Variants in SLC6A3 observed in about 807,000 individuals in gnomAD.
The protein encoded by SLC6A3 is solute carrier family 6 member 3, also known as sodium-dependent dopamine transporter.
SLC6A3 carries 19 observed loss-of-function variants against 70.4 expected under a neutral mutation model. That is an observed-to-expected ratio of 0.27 (90% CI 0.19 to 0.40). The LOEUF (loss-of-function observed/expected upper bound fraction) is 0.40, where lower values mean the gene tolerates loss of function less well. Among genes scored for constraint, SLC6A3 ranks in the 10% least tolerant of loss-of-function variants. SLC6A3 has a pLI of 1.00. For synonymous variants in SLC6A3, 368 were observed against 356.6 expected (o/e 1.03, Z -0.36); for missense variants, 613 against 838.5 (o/e 0.73, Z 3.32).
Position 1,393,826 on chromosome 5 carries a change from G to T in SLC6A3, c.*909C>A, listed in dbSNP as rs1337478308. ...GCGTCCTGGGGTAGTACACGCTCCT[G>T]TGGGGGCCCTGCATGCGTTCTGGGG... On this transcript the variant is annotated 3_prime_UTR_variant, in exon 15 of 15. Transcript: ENST00000270349. 3 of 144,636 alleles carry T rather than the reference G, an allele frequency of 2.1e-5. No individual in the cohort carries two copies. The highest frequency in any genetic ancestry group is 8.3e-5 in the African/African-American group (3 of 36,202). The allele number at this position is 144,636 out of a possible 1,614,324, so 9.0% of individuals were successfully genotyped here. A position where few individuals can be genotyped will look rare whatever the true frequency, so the allele number is the denominator to read the frequency against.
Position 1,406,147 on chromosome 5 carries a change from T to C in SLC6A3, c.1599+41A>G. 1 of 1,450,606 alleles carries C rather than the reference T, an allele frequency of 6.9e-7. No homozygotes were observed. Among genetic ancestry groups the C allele is most frequent in the Non-Finnish European group, 9.7e-7 (1 of 1,032,026 alleles). The allele number at this position is 1,450,606 out of a possible 1,614,324, so 89.9% of individuals were successfully genotyped here. A position where few individuals can be genotyped will look rare whatever the true frequency, so the allele number is the denominator to read the frequency against. On this transcript the variant is annotated intron_variant, in intron 12 of 14. Coordinates refer to ENST00000270349, the MANE Select transcript of SLC6A3 (RefSeq NM_001044.5). The surrounding 1 kb of genome is among the most constrained non-coding windows in gnomAD (Gnocchi z 8.8). ...GGGGCAGGTGCCAGAGTGGGGGCAG[T>C]GGGCAGACGGGGGAAGGGCAGGTGG...
chr5:1,445,230 T>A (rs1371914830), intron 1 of SLC6A3, 118 bp downstream of exon 1: 3 of 152,178 alleles, frequency 2.0e-5, no homozygotes, highest in African/African-American at 7.2e-5. Context: ...GACGGCGCGG[T>A]CTGCGGGACG....
chr5:1,413,244 T>G lies in SLC6A3; in HGVS notation c.1156+1447A>C, dbSNP rs1756168744. Among the ~76,000 whole-genome samples, 1 of 152,238 alleles carries G rather than the reference T, an allele frequency of 6.6e-6. No individual in the cohort carries two copies. Among genetic ancestry groups the G allele is most frequent in the Non-Finnish European group, 1.5e-5 (1 of 68,048 alleles). ...CGAGTAAATTTCACTGCTCTGCATTTATTTGCAGATGTTCCCTTTCTCCCG... is the reference window on the plus strand; with the variant it reads ...CGAGTAAATTTCACTGCTCTGCATTGATTTGCAGATGTTCCCTTTCTCCCG... On this transcript the variant is annotated intron_variant, in intron 8 of 14. Coordinates refer to ENST00000270349, the MANE Select transcript of SLC6A3 (RefSeq NM_001044.5). The surrounding 1 kb of genome is among the most constrained non-coding windows in gnomAD (Gnocchi z 7.1).
At chr5:1,432,729 C>T (rs778920002) in intron 3 of SLC6A3, 31 bp from the exon 4 acceptor site, 45 of 1,531,878 alleles carry the variant, frequency 2.9e-5, no homozygotes, top group East Asian at 9.1e-5. Flanking sequence ...ATGGAGCCCA[C>T]GCAGGTGGAG....
intron 11 of SLC6A3, among the ~76,000 whole-genome samples, chr5:1,407,799 G>A (rs543643649): frequency 6.6e-6 from 1 of 152,320 alleles, no homozygotes; most frequent in South Asian, 2.1e-4. Context: ...TCCGTTTTCT[G>A]TAGAGCAACA....
In SLC6A3 at chr5:1,411,370, G is replaced by A. The variant is rs375416292; in HGVS notation, c.1157-15C>T. On this transcript the variant is annotated splice_polypyrimidine_tract_variant and intron_variant, in intron 8 of 14. Coordinates refer to ENST00000270349, the MANE Select transcript of SLC6A3 (RefSeq NM_001044.5). The surrounding 1 kb of genome is among the most constrained non-coding windows in gnomAD (Gnocchi z 6.5). ...CAGCCCTGGCCCTGAAACAGAACCC[G>A]CCCTGCTTGCCACAGAGCCCACGCT... 47 of 1,533,214 alleles carry A rather than the reference G, an allele frequency of 3.1e-5. No homozygotes were observed. In the African/African-American group the frequency reaches 4.5e-4, roughly 15 times the overall value. 95.0% of individuals were successfully genotyped at this position (1,533,214 alleles called of 1,614,324 possible).
chr5:1,442,603 G>A lies in SLC6A3; in HGVS notation c.286+309C>T, dbSNP rs1010131620. 3.3e-5 allele frequency among the ~76,000 whole-genome samples: 5 copies of A among 152,222 alleles called. No individual in the cohort carries two copies. The highest frequency in any genetic ancestry group is 2.1e-4 in the South Asian group (1 of 4,814). On this transcript the variant is annotated intron_variant, in intron 2 of 14. Coordinates refer to ENST00000270349, the MANE Select transcript of SLC6A3 (RefSeq NM_001044.5). The surrounding 1 kb of genome is among the most constrained non-coding windows in gnomAD (Gnocchi z 5.0). ...CCTTTGAGAATTTTCTTTCCAAAGC[G>A]AAGATAGCCTCTGGAAACAGGAGGC... is the stretch of plus-strand genomic sequence containing the variant.
At chr5:1,422,581 TG>T (rs1194240272) in intron 4 of SLC6A3, among the ~76,000 whole-genome samples, 1 of 141,758 alleles carries the variant, frequency 7.1e-6, no homozygotes, top group Non-Finnish European at 1.5e-5. Flanking sequence ...CCCACGCTGC[TG>T]GGTACCCACC....
At chr5:1,441,928 C>T (rs958202896) in intron 2 of SLC6A3, among the ~76,000 whole-genome samples, 4 of 152,188 alleles carry the variant, frequency 2.6e-5, no homozygotes, top group Non-Finnish European at 5.9e-5. Flanking sequence ...GTCCTGTCCC[C>T]AGCTTCTGGG....
chr5:1,444,893 G>A (rs963355624), intron 1 of SLC6A3, among the ~76,000 whole-genome samples: 1 of 152,246 alleles, frequency 6.6e-6, no homozygotes, highest in East Asian at 1.9e-4. Flanking sequence ...GCACCAGCGC[G>A]CAGCCCGCGC....
At chr5:1,443,297 A>G in intron 1 of SLC6A3, 55 bp from the exon 2 acceptor site, 1 of 1,375,242 alleles carries the variant, frequency 7.3e-7, no homozygotes, top group Non-Finnish European at 1.0e-6. Context: ...TTCAGCAGCC[A>G]GGGCTAGGGA....
intron 3 of SLC6A3, among the ~76,000 whole-genome samples, chr5:1,434,229 G>T (rs539506446): frequency 5.5e-4 from 84 of 152,300 alleles, no homozygotes; most frequent in African/African-American, 1.8e-3. Context: ...TCCACCCAGG[G>T]CAGGTAAGAT....
At chr5:1,407,007 A>T (rs1313095727) in intron 11 of SLC6A3, among the ~76,000 whole-genome samples, 1 of 152,208 alleles carries the variant, frequency 6.6e-6, no homozygotes, top group East Asian at 1.9e-4. Context: ...TTCCGTCATG[A>T]GTATACCGTC....
chr5:1,420,418 G>T, intron 6 of SLC6A3, 151 bp downstream of exon 6: 1 of 833,932 alleles, frequency 1.2e-6, no homozygotes, highest in Non-Finnish European at 2.1e-6. Context: ...GACTCGTGCT[G>T]TATCACAGGT....
In SLC6A3 at chr5:1,421,858, G is replaced by T. The variant is rs767400233; in HGVS notation, c.792+18C>A. 1 of 1,612,744 alleles carries T rather than the reference G, an allele frequency of 6.2e-7. No homozygotes were observed. Among genetic ancestry groups the T allele is most frequent in the Non-Finnish European group, 8.5e-7 (1 of 1,179,876 alleles). ...GGCCCCATGTCTACAGGCCCAATTG[G>T]TGACCCCCGAGCCTCACCTTCCCTG... On this transcript the variant is annotated intron_variant, in intron 5 of 14. Transcript: ENST00000270349. This position sits in a 1 kb window ranked among gnomAD's most constrained non-coding sequence, Gnocchi z 7.2.
At chr5:1,415,933 T>C (rs991816118) in intron 7 of SLC6A3, among the ~76,000 whole-genome samples, 165 bp downstream of exon 7, 2 of 152,236 alleles carry the variant, frequency 1.3e-5, no homozygotes, top group Non-Finnish European at 2.9e-5. Flanking sequence ...AAAATCGTGT[T>C]GGGAGCTGCC....
At position 1,437,872 on chromosome 5, in the gene SLC6A3, C is replaced by T. The variant is rs1756876529; in HGVS notation, c.418+3487G>A. Among the ~76,000 whole-genome samples, 1 of 152,220 alleles carries T rather than the reference C, an allele frequency of 6.6e-6. No individual in the cohort carries two copies. The highest frequency in any genetic ancestry group is 1.9e-4 in the East Asian group (1 of 5,204). On this transcript the variant is annotated intron_variant, in intron 3 of 14. Transcript: ENST00000270349. The surrounding 1 kb of genome is among the most constrained non-coding windows in gnomAD (Gnocchi z 4.8). ...GCACTTTAGCTGATGTCTTAATTTA[C>T]CACGTGGCACTTCTATTCAATGAGA...
rs1336426771 is a variant in SLC6A3 at position 1,437,629 on chromosome 5, C to A, written c.418+3730G>T. Reference sequence around the variant, plus strand: ...GAGACTACGGGAAATGCACGTGAGTCATGGCTGCTGAGCAGCTGGGCCTCA... The same window carrying A: ...GAGACTACGGGAAATGCACGTGAGTAATGGCTGCTGAGCAGCTGGGCCTCA... On this transcript the variant is annotated intron_variant, in intron 3 of 14. Coordinates refer to ENST00000270349, the MANE Select transcript of SLC6A3 (RefSeq NM_001044.5). This position sits in a 1 kb window ranked among gnomAD's most constrained non-coding sequence, Gnocchi z 4.8. Among the ~76,000 whole-genome samples the A allele has an allele frequency of 6.6e-6, 1 of 152,220 alleles. No homozygotes were observed. The highest frequency in any genetic ancestry group is 1.5e-5 in the Non-Finnish European group (1 of 68,036).
At position 1,411,138 on chromosome 5, in the gene SLC6A3, C is replaced by T. The variant is rs1317821933; in HGVS notation, c.1269+105G>A. ...AGTCAAGGACAGGAGGTCTGGGGGC[C>T]GTACGTGAGCCCAGGGATCTTGCCT... On this transcript the variant is annotated intron_variant, in intron 9 of 14. Transcript: ENST00000270349. The surrounding 1 kb of genome is among the most constrained non-coding windows in gnomAD (Gnocchi z 6.5). The T allele has an allele frequency of 2.5e-5, 20 of 788,400 alleles. No individual in the cohort carries two copies. Among genetic ancestry groups the T allele is most frequent in the African/African-American group, 6.8e-5 (4 of 58,706 alleles). The allele number at this position is 788,400 out of a possible 1,614,324, so 48.8% of individuals were successfully genotyped here.
Sources: gnomAD v4.1 joint callset for allele counts (sites outside exome capture counted in the v4.1 genomes callset) on GRCh38, gnomAD v4.1.1 for gene constraint, Gnocchi (gnomAD v3.1) non-coding constraint, MANE v1.5 for transcripts, NCBI Gene and HGNC (gene_info 2026-07-23, HGNC 2026-07-21) for gene names.